LRP1B: variants seen among roughly 807,000 people sequenced by gnomAD.
The protein encoded by LRP1B is low-density lipoprotein receptor-related protein 1B.
In LRP1B, 217 loss-of-function variants were observed where a neutral mutation model predicts 556.6. The observed-to-expected ratio is 0.39, with a 90% confidence interval of 0.35 to 0.44. The LOEUF (loss-of-function observed/expected upper bound fraction) is 0.44, where lower values mean the gene tolerates loss of function less well. LRP1B is among the 20% of genes least tolerant of loss of function. The pLI is 1.00. For missense variants in LRP1B, 5,053 were observed against 5,620.8 expected (o/e 0.90, Z 3.23); for synonymous variants, 2,047 against 1,865.8 (o/e 1.10, Z -2.50).
At chr2:141,409,724 G>C (rs1181731740) in intron 3 of LRP1B, among the ~76,000 whole-genome samples, 1 of 151,944 alleles carries the variant, frequency 6.6e-6, no homozygotes, top group Non-Finnish European at 1.5e-5. Context: ...AATAATTTTA[G>C]ATAGTAATAA....
intron 2 of LRP1B, among the ~76,000 whole-genome samples, chr2:141,581,100 G>A (rs1223404479): frequency 6.6e-6 from 1 of 152,140 alleles, no homozygotes; most frequent in Non-Finnish European, 1.5e-5. Flanking sequence ...GTCTCTAGTA[G>A]CATCATATGC....
chr2:140,909,282 G>C (rs1694348724), intron 21 of LRP1B, among the ~76,000 whole-genome samples: 2 of 152,004 alleles, frequency 1.3e-5, no homozygotes, highest in Admixed American at 1.3e-4. Context: ...AAAAATAAGT[G>C]GGGCAAATAC....
intron 2 of LRP1B, among the ~76,000 whole-genome samples, chr2:141,511,012 AT>A (rs1329750420): frequency 1.3e-5 from 2 of 152,000 alleles, no homozygotes; most frequent in African/African-American, 4.8e-5. Context: ...TCAGTTAATG[AT>A]TCAATGATCT....
chr2:141,128,122 C>G (rs1204159936), intron 7 of LRP1B, among the ~76,000 whole-genome samples: 1 of 152,130 alleles, frequency 6.6e-6, no homozygotes, highest in Non-Finnish European at 1.5e-5. Flanking sequence ...TGTTAAGATT[C>G]CAGCCATGAG....
At chr2:140,420,423 C>T (rs749681617) in intron 66 of LRP1B, among the ~76,000 whole-genome samples, 29 of 152,088 alleles carry the variant, frequency 1.9e-4, no homozygotes, top group Non-Finnish European at 3.2e-4. Context: ...TCAAATACTG[C>T]TAGTGGAAAT....
At chr2:140,652,190 A>G (rs1684713458) in intron 41 of LRP1B, among the ~76,000 whole-genome samples, 1 of 151,596 alleles carries the variant, frequency 6.6e-6, no homozygotes, top group African/African-American at 2.4e-5. Context: ...ATTAAAATCT[A>G]TAATTGATAC....
chr2:140,752,679 T>C (rs1559097575), intron 35 of LRP1B, among the ~76,000 whole-genome samples: 1 of 152,238 alleles, frequency 6.6e-6, no homozygotes, highest in Non-Finnish European at 1.5e-5. Context: ...TTCTGAATAA[T>C]TGTATGTTGT....
rs146995074 is a variant in LRP1B at position 140,921,202 on chromosome 2, T to C, written c.3319+1763A>G. Reference sequence around the variant, plus strand: ...ATTTACATTACTGTGAATCTCCTTATAATTTATTTCTGTATAGAGAAATTG... The same window carrying C: ...ATTTACATTACTGTGAATCTCCTTACAATTTATTTCTGTATAGAGAAATTG... On this transcript the variant is annotated intron_variant, in intron 21 of 90. Transcript: ENST00000389484. Among the ~76,000 whole-genome samples the C allele has an allele frequency of 5.7e-3, 871 of 152,074 alleles. 10 individuals carry two copies. The highest frequency in any genetic ancestry group is 0.02 in the African/African-American group (819 of 41,546).
chr2:140,315,189 G>T, intron 82 of LRP1B, 90 bp from the exon 83 acceptor site: 2 of 844,800 alleles, frequency 2.4e-6, no homozygotes, highest in Non-Finnish European at 1.7e-6. Context: ...TAAATACTAG[G>T]ATCTTGTGTT....
intron 66 of LRP1B, among the ~76,000 whole-genome samples, chr2:140,439,135 T>C (rs1186877060): frequency 2.0e-5 from 3 of 152,204 alleles, no homozygotes; most frequent in African/African-American, 7.2e-5. Context: ...TTAAATATTC[T>C]ATTAGTTCTT....
intron 60 of LRP1B, among the ~76,000 whole-genome samples, chr2:140,459,297 G>A (rs553274001): frequency 2.6e-5 from 4 of 152,180 alleles, no homozygotes; most frequent in Admixed American, 1.3e-4. Context: ...TCTTGGTGAT[G>A]GGTGATTATT....
At chr2:142,005,693 G>C (rs2105144915) in intron 1 of LRP1B, among the ~76,000 whole-genome samples, 1 of 152,060 alleles carries the variant, frequency 6.6e-6, no homozygotes, top group Non-Finnish European at 1.5e-5. Flanking sequence ...TTTATTAAAA[G>C]GGTTGTTAAA....
chr2:141,961,422 T>C (rs575130890), intron 1 of LRP1B, among the ~76,000 whole-genome samples: 1 of 151,848 alleles, frequency 6.6e-6, no homozygotes, highest in South Asian at 2.1e-4. Flanking sequence ...GTTTTTCCTT[T>C]TGAAAATGTT....
chr2:140,341,070 C>T lies in LRP1B; in HGVS notation c.11893-5232G>A, dbSNP rs543327652. Among the ~76,000 whole-genome samples, 6 of 151,550 alleles carry T rather than the reference C, an allele frequency of 4.0e-5. No individual in the cohort carries two copies. In the South Asian group the frequency reaches 1.2e-3, roughly 31 times the overall value. On this transcript the variant is annotated intron_variant, in intron 77 of 90. Transcript: ENST00000389484. ...ATCATTAGGTAAGTTCCTTGTGGAT[C>T]AACAGGAATTTTAGTCTTTGAAGCA... is the stretch of plus-strand genomic sequence containing the variant.
At chr2:140,530,701 T>C (rs959374971) in intron 47 of LRP1B, among the ~76,000 whole-genome samples, 2 of 152,148 alleles carry the variant, frequency 1.3e-5, no homozygotes, top group East Asian at 1.9e-4. Flanking sequence ...TGTGTTTCCA[T>C]GAGAAATTTT....
intron 41 of LRP1B, among the ~76,000 whole-genome samples, chr2:140,692,028 A>T (rs1474385891): frequency 6.6e-6 from 1 of 152,004 alleles, no homozygotes; most frequent in African/African-American, 2.4e-5. Flanking sequence ...ATGGTGTATG[A>T]TTTTTAATGT....
chr2:141,245,976 G>C (rs1407405456), intron 5 of LRP1B, among the ~76,000 whole-genome samples: 1 of 151,946 alleles, frequency 6.6e-6, no homozygotes, highest in Non-Finnish European at 1.5e-5. Flanking sequence ...TCAGTACTGA[G>C]TAAATAACAG....
intron 1 of LRP1B, among the ~76,000 whole-genome samples, chr2:142,016,083 CTCA>C (rs1303777102): frequency 6.8e-6 from 1 of 147,528 alleles, no homozygotes. Context: ...TGAAAAAAAG[CTCA>C]TCATCACTGG....
chr2:140,404,114 A>G (rs1684624985), intron 66 of LRP1B, among the ~76,000 whole-genome samples: 1 of 152,058 alleles, frequency 6.6e-6, no homozygotes, highest in Admixed American at 6.6e-5. Context: ...AAGAAATGCT[A>G]AAAAGAACTC....
Sources: gnomAD v4.1 joint callset for allele counts (sites outside exome capture counted in the v4.1 genomes callset) on GRCh38, gnomAD v4.1.1 for gene constraint, MANE v1.5 for transcripts, NCBI Gene and HGNC (gene_info 2026-07-23, HGNC 2026-07-21) for gene names.